Variants in COL28A1 observed in about 807,000 individuals in gnomAD.
COL28A1 encodes the protein collagen alpha-1(XXVIII) chain.
In COL28A1, 161 loss-of-function variants were observed where a neutral mutation model predicts 150.2. The observed-to-expected ratio is 1.07, with a 90% confidence interval of 0.94 to 1.22. COL28A1 has a LOEUF of 1.22. COL28A1 is among the 50% of genes most tolerant of loss of function. The probability of loss-of-function intolerance (pLI) is 0.00; values close to 1 mark genes in which losing one functional copy is unlikely to be tolerated. For missense variants in COL28A1, 1,617 were observed against 1,388.3 expected (o/e 1.16, Z -2.62); for synonymous variants, 552 against 469.7 (o/e 1.18, Z -2.26).
At chr7:7,446,849 T>A (rs1186552966) in intron 18 of COL28A1, among the ~76,000 whole-genome samples, 1 of 152,176 alleles carries the variant, frequency 6.6e-6, no homozygotes, top group Non-Finnish European at 1.5e-5. Flanking sequence ...TATCAAAAGT[T>A]CACAGAGTAG....
At chr7:7,449,744 GA>G (rs978277049) in intron 18 of COL28A1, among the ~76,000 whole-genome samples, 2 of 151,506 alleles carry the variant, frequency 1.3e-5, no homozygotes, top group South Asian at 2.1e-4. Flanking sequence ...AAAAGATATA[GA>G]AAAAAAATTC....
In COL28A1 at chr7:7,520,065, GT is replaced by G; in HGVS notation, c.809del (p.Asn270ThrfsTer36). 2 of 1,363,082 alleles carry G rather than the reference GT, an allele frequency of 1.5e-6. No individual in the cohort carries two copies. The highest frequency in any genetic ancestry group is 2.1e-6 in the Non-Finnish European group (2 of 952,606). 84.4% of individuals were successfully genotyped at this position (1,363,082 alleles called of 1,614,324 possible). Reference sequence around the variant, plus strand: ...GAAAAGCTGTTTATTCATTTACCGGGTTTCCTTTTGGTCCTCGCTCACCTTT... The same window carrying G: ...GAAAAGCTGTTTATTCATTTACCGGGTTCCTTTTGGTCCTCGCTCACCTTT... ...GIKGERGPKG[N>X]PGNAQKGEAG... is the part of the protein sequence containing the mutation. On this transcript the variant is annotated frameshift_variant, in exon 6 of 35. Transcript: ENST00000399429. LOFTEE classifies it high-confidence loss of function.
intron 6 of COL28A1, 30 bp downstream of exon 6, chr7:7,520,032 G>A: frequency 9.4e-7 from 1 of 1,064,538 alleles, no homozygotes; most frequent in South Asian, 1.3e-5. Context: ...GAGATACGCT[G>A]GTTTAAAGAA....
chr7:7,511,263 C>T, intron 8 of COL28A1, 128 bp from the exon 9 acceptor site: 1 of 681,112 alleles, frequency 1.5e-6, no homozygotes, highest in South Asian at 1.8e-5. Context: ...GGTTTCTACA[C>T]AATATTAGCC....
chr7:7,350,785 C>CA, the COL28A1 span, among the ~76,000 whole-genome samples: 11 of 143,366 alleles, frequency 7.7e-5, no homozygotes, highest in Admixed American at 2.1e-4. Context: ...TTAAGACGTA[C>CA]AAAAAAAAAG....
chr7:7,360,460 A>C lies in COL28A1; in HGVS notation c.3135T>G (p.Pro1045=). The stretch of plus-strand genomic sequence containing the variant: ...TGGTGGCCTCAGATGAGGTAGTGGC[A>C]GGCAGATCATCAGCCCACGTTGGCT... ...APEPTWADDL[P]ATTSSEATTT... The change falls in exon 34 of 35, where the codon CCT becomes CCG. Residue 1045 remains proline (P), a synonymous_variant. Transcript: ENST00000399429. 6.2e-7 allele frequency: 1 copy of C among 1,609,614 alleles called. No individual in the cohort carries two copies. The highest frequency in any genetic ancestry group is 8.5e-7 in the Non-Finnish European group (1 of 1,178,646).
At chr7:7,457,225 G>C (rs1292843721) in intron 15 of COL28A1, among the ~76,000 whole-genome samples, 1 of 152,164 alleles carries the variant, frequency 6.6e-6, no homozygotes, top group Non-Finnish European at 1.5e-5. Context: ...ATCTGACTTG[G>C]TTTTTAAGGC....
intron 3 of COL28A1, among the ~76,000 whole-genome samples, chr7:7,530,612 G>A (rs1348667247): frequency 6.6e-6 from 1 of 152,152 alleles, no homozygotes; most frequent in Non-Finnish European, 1.5e-5. Flanking sequence ...ATATTGTGAA[G>A]AGGGATTTCC....
Position 7,482,186 on chromosome 7 carries a change from T to C in COL28A1, c.1165-5006A>G, listed in dbSNP as rs569169613. Among the ~76,000 whole-genome samples, 3 of 152,304 alleles carry C rather than the reference T, an allele frequency of 2.0e-5. No individual in the cohort carries two copies. In the East Asian group the frequency reaches 5.8e-4, roughly 29 times the overall value. ...CAAAGGACTTTCAGTAGAATCTTTGTCAGCCCTAAGATAAGTCTTTACCTT... is the reference window on the plus strand; with the variant it reads ...CAAAGGACTTTCAGTAGAATCTTTGCCAGCCCTAAGATAAGTCTTTACCTT... On this transcript the variant is annotated intron_variant, in intron 13 of 34. Transcript: ENST00000399429.
At chr7:7,514,814 C>T (rs537289526) in intron 8 of COL28A1, among the ~76,000 whole-genome samples, 52 of 152,260 alleles carry the variant, frequency 3.4e-4, no homozygotes, top group African/African-American at 1.2e-3. Context: ...GAAGATGCCC[C>T]GGGTAGCACA....
chr7:7,364,243 G>A (rs1419030237), intron 33 of COL28A1, among the ~76,000 whole-genome samples: 1 of 152,082 alleles, frequency 6.6e-6, no homozygotes, highest in African/African-American at 2.4e-5. Context: ...CCCAAAATAT[G>A]CCACTTTGGC....
chr7:7,534,516 C>T (rs561429683), intron 1 of COL28A1, among the ~76,000 whole-genome samples: 1 of 152,244 alleles, frequency 6.6e-6, no homozygotes, highest in East Asian at 1.9e-4. Context: ...TATGACTTTT[C>T]TCTTTGGTTG....
chr7:7,543,291 A>AC, the COL28A1 span, among the ~76,000 whole-genome samples: 1 of 152,220 alleles, frequency 6.6e-6, no homozygotes, highest in African/African-American at 2.4e-5. Flanking sequence ...ACAAAGAAAA[A>AC]GGTGCATGTG....
chr7:7,364,771 A>G (rs1780846078), intron 33 of COL28A1, among the ~76,000 whole-genome samples: 1 of 152,186 alleles, frequency 6.6e-6, no homozygotes, highest in African/African-American at 2.4e-5. Context: ...TGTTTCCTAT[A>G]TATAAATACC....
intron 25 of COL28A1, among the ~76,000 whole-genome samples, chr7:7,428,217 G>A (rs1028023467): frequency 6.6e-6 from 1 of 152,158 alleles, no homozygotes; most frequent in Non-Finnish European, 1.5e-5. Flanking sequence ...ACAACTTGAT[G>A]GTTAAGAGGT....
chr7:7,529,204 G>A (rs575642660), intron 3 of COL28A1, among the ~76,000 whole-genome samples: 13 of 149,660 alleles, frequency 8.7e-5, no homozygotes, highest in African/African-American at 3.2e-4. Context: ...CAGGAGAATC[G>A]CTTGAACCCG....
chr7:7,361,135 T>G (rs1409997799), intron 33 of COL28A1, among the ~76,000 whole-genome samples: 1 of 151,768 alleles, frequency 6.6e-6, no homozygotes, highest in Non-Finnish European at 1.5e-5. Flanking sequence ...AGACCCCAGC[T>G]AATACCAAAT....
At chr7:7,397,000 C>T (rs908927708) in intron 27 of COL28A1, among the ~76,000 whole-genome samples, 36 of 152,200 alleles carry the variant, frequency 2.4e-4, no homozygotes, top group South Asian at 8.3e-4. Flanking sequence ...TGGAAATGTC[C>T]CTGTGCTGGA....
intron 15 of COL28A1, among the ~76,000 whole-genome samples, chr7:7,456,964 C>G (rs1787218541): frequency 6.6e-6 from 1 of 152,176 alleles, no homozygotes; most frequent in African/African-American, 2.4e-5. Flanking sequence ...GGTAGAAACC[C>G]AGAAGAAAAG....
Sources: gnomAD v4.1 joint callset for allele counts (sites outside exome capture counted in the v4.1 genomes callset) on GRCh38, gnomAD v4.1.1 for gene constraint, MANE v1.5 for transcripts, NCBI Gene and HGNC (gene_info 2026-07-23, HGNC 2026-07-21) for gene names.